RARB: variants seen among roughly 807,000 people sequenced by gnomAD.
The protein encoded by RARB is retinoic acid receptor beta.
A neutral mutation model predicts 51.9 loss-of-function variants in RARB; 17 were observed. The ratio of observed to expected loss-of-function variants is 0.33; its 90% CI spans 0.22 to 0.49. RARB has a LOEUF of 0.49. Among genes scored for constraint, RARB ranks in the 20% least tolerant of loss-of-function variants. The probability of loss-of-function intolerance (pLI) is 0.99; values close to 1 mark genes in which losing one functional copy is unlikely to be tolerated. For missense variants in RARB, 369 were observed against 550.8 expected, an observed-to-expected ratio of 0.67 and a Z score of 3.30; for synonymous variants, 215 against 195.4, an observed-to-expected ratio of 1.10 and a Z score of -0.84.
Position 25,596,615 on chromosome 3 carries a change from A to C in RARB, c.1346A>C (p.Ter449SerextTer4), listed in dbSNP as rs373473927. ...SGVSQSPLVQ[*>S] Reference sequence around the variant, plus strand: ...GTCAGTCAGTCACCACTCGTGCAATAAGACATTTTCTAGCTACTTCAAACA... The same window carrying C: ...GTCAGTCAGTCACCACTCGTGCAATCAGACATTTTCTAGCTACTTCAAACA... Residue 449 changes from the stop codon to serine (S), a stop_lost, in exon 8 of 8, where the codon TAA becomes TCA. Transcript: ENST00000330688. 6.9e-6 allele frequency: 11 copies of C among 1,582,812 alleles called. No homozygotes were observed. The highest frequency in any genetic ancestry group is 1.3e-5 in the African/African-American group (1 of 74,364).
At chr3:25,386,096 C>G (rs57398440) in intron 5 of RARB, among the ~76,000 whole-genome samples, 1 of 152,020 alleles carries the variant, frequency 6.6e-6, no homozygotes, top group Admixed American at 6.6e-5. Context: ...AGACAGAACA[C>G]GAACAGGCAA....
chr3:24,961,028 A>G (rs555982659), intron 2 of RARB, among the ~76,000 whole-genome samples: 2 of 152,308 alleles, frequency 1.3e-5, no homozygotes, highest in Non-Finnish European at 2.9e-5. Context: ...TTATTTGTCA[A>G]ATTTCTTTAA....
intron 4 of RARB, among the ~76,000 whole-genome samples, chr3:25,165,538 C>A (rs927902546): frequency 6.6e-6 from 1 of 152,148 alleles, no homozygotes; most frequent in East Asian, 1.9e-4. Context: ...CCTTGAGAAC[C>A]AAATCCTAGG....
At position 25,580,489 on chromosome 3, in the gene RARB, C is replaced by T. The variant is rs755553061; in HGVS notation, c.610-57C>T. ...CTAATTGGAAACACATTGAATTTCT[C>T]CCCTCCTATAGAGCTTCCCGGAAAC... On this transcript the variant is annotated intron_variant, in intron 4 of 7. Transcript: ENST00000330688. The T allele has an allele frequency of 1.6e-5, 22 of 1,412,752 alleles. No homozygotes were observed. The East Asian group carries it at 3.3e-4, about 21-fold the overall frequency. The allele number at this position is 1,412,752 out of a possible 1,614,324, so 87.5% of individuals were successfully genotyped here. A position where few individuals can be genotyped will look rare whatever the true frequency, so the allele number is the denominator to read the frequency against.
chr3:25,135,958 T>C (rs1209141551), intron 4 of RARB, among the ~76,000 whole-genome samples: 1 of 151,942 alleles, frequency 6.6e-6, no homozygotes, highest in East Asian at 1.9e-4. Flanking sequence ...ATATAAAATT[T>C]TAAATGTTAT....
At chr3:25,544,994 T>C (rs999978908) in intron 3 of RARB, among the ~76,000 whole-genome samples, 1 of 152,130 alleles carries the variant, frequency 6.6e-6, no homozygotes, top group African/African-American at 2.4e-5. Flanking sequence ...CGGAGTCTCG[T>C]TCTGTCGCCC....
At chr3:25,232,973 C>CTTTTTTTTTTTTT (rs71061205) in intron 5 of RARB, among the ~76,000 whole-genome samples, 29 of 118,764 alleles carry the variant, frequency 2.4e-4, no homozygotes, top group South Asian at 5.7e-4. Flanking sequence ...TTTTCTTTTT[C>CTTTTTTTTTTTTT]TTTTTTTTTT....
intron 5 of RARB, among the ~76,000 whole-genome samples, chr3:25,390,528 A>C (rs1706920958): frequency 6.6e-6 from 1 of 152,198 alleles, no homozygotes; most frequent in African/African-American, 2.4e-5. Flanking sequence ...AGCCTGTGGG[A>C]TATAAAAACA....
At chr3:25,060,784 G>T (rs368295650) in intron 3 of RARB, among the ~76,000 whole-genome samples, 1 of 151,862 alleles carries the variant, frequency 6.6e-6, no homozygotes, top group African/African-American at 2.4e-5. Context: ...AGGTAGACTC[G>T]CTGGCTTCAT....
chr3:25,446,464 A>G (rs763881950), intron 1 of RARB, among the ~76,000 whole-genome samples: 2 of 152,208 alleles, frequency 1.3e-5, no homozygotes, highest in African/African-American at 4.8e-5. Flanking sequence ...AGCCTAAAGT[A>G]TTTCCTATCT....
chr3:25,210,993 G>T (rs78081579), intron 5 of RARB, among the ~76,000 whole-genome samples: 3,017 of 152,192 alleles, frequency 0.02, 77 homozygotes, highest in African/African-American at 0.059. Flanking sequence ...CTGTGCCTCA[G>T]TTTCCTCATT....
At chr3:25,591,754 A>C (rs1701622800) in intron 5 of RARB, among the ~76,000 whole-genome samples, 1 of 152,182 alleles carries the variant, frequency 6.6e-6, no homozygotes. Context: ...CCAATAAGAC[A>C]CTGAAGTCAG....
At chr3:25,332,425 C>T (rs1226886084) in intron 5 of RARB, among the ~76,000 whole-genome samples, 4 of 152,158 alleles carry the variant, frequency 2.6e-5, no homozygotes, top group African/African-American at 9.7e-5. Flanking sequence ...TGACAAAAAC[C>T]ACATGATTAT....
At chr3:25,527,837 C>G (rs1004277912) in intron 3 of RARB, among the ~76,000 whole-genome samples, 1 of 152,180 alleles carries the variant, frequency 6.6e-6, no homozygotes, top group Admixed American at 6.5e-5. Context: ...AAACAACTCA[C>G]TCTGTAAACC....
intron 2 of RARB, among the ~76,000 whole-genome samples, chr3:25,468,062 T>G (rs780825294): frequency 9.9e-5 from 15 of 152,132 alleles, no homozygotes; most frequent in Non-Finnish European, 2.1e-4. Flanking sequence ...GTGTGAGTCA[T>G]AGAGAGAAAG....
chr3:25,039,202 C>T (rs758641248), intron 2 of RARB, among the ~76,000 whole-genome samples: 3 of 152,088 alleles, frequency 2.0e-5, no homozygotes, highest in South Asian at 2.1e-4. Context: ...TAGAGGGATA[C>T]GTATGAAACA....
intron 3 of RARB, among the ~76,000 whole-genome samples, chr3:25,549,569 C>T (rs1444082453): frequency 6.6e-6 from 1 of 152,066 alleles, no homozygotes; most frequent in African/African-American, 2.4e-5. Flanking sequence ...TCATGAAAGA[C>T]CATAACCCTC....
At chr3:24,966,547 GT>G (rs1287152514) in intron 2 of RARB, among the ~76,000 whole-genome samples, 7 of 151,342 alleles carry the variant, frequency 4.6e-5, no homozygotes, top group African/African-American at 1.5e-4. Flanking sequence ...GTCTGATTAA[GT>G]ACAGGAATGT....
intron 2 of RARB, among the ~76,000 whole-genome samples, chr3:24,920,948 C>CT (rs1236983831): frequency 6.6e-6 from 1 of 152,134 alleles, no homozygotes; most frequent in Admixed American, 6.6e-5. Flanking sequence ...CTTAAGCTTT[C>CT]TATGGCATCA....
Sources: gnomAD v4.1 joint callset for allele counts (sites outside exome capture counted in the v4.1 genomes callset) on GRCh38, gnomAD v4.1.1 for gene constraint, MANE v1.5 for transcripts, NCBI Gene and HGNC (gene_info 2026-07-23, HGNC 2026-07-21) for gene names.